NHLRC3: variants seen among roughly 807,000 people sequenced by gnomAD.
NHLRC3 encodes the protein NHL repeat containing 3.
NHLRC3 carries 23 observed loss-of-function variants against 32.0 expected under a neutral mutation model. That is an observed-to-expected ratio of 0.72 (90% confidence interval 0.52 to 1.02). NHLRC3 has a LOEUF of 1.02. NHLRC3 is among the 50% of genes least tolerant of loss of function. The probability of loss-of-function intolerance (pLI) is 0.00; values close to 1 mark genes in which losing one functional copy is unlikely to be tolerated. For missense variants in NHLRC3, 407 were observed against 406.8 expected (o/e 1.00, Z -0.01); for synonymous variants, 159 against 147.9 (o/e 1.08, Z -0.55).
chr13:39,044,235 GTGTGTGTGTGTGTGTGTGTGT>G, intron 5 of NHLRC3, 54 bp downstream of exon 5: 1 of 761,470 alleles, frequency 1.3e-6, no homozygotes, highest in East Asian at 2.6e-5. Context: ...ATGTTTGTGT[GTGTGTGTGTGTGTGTGTGTGT>G]GTGTGTGTGT....
intron 3 of NHLRC3, chr13:39,041,074 A>G (rs1418776640): frequency 6.6e-6 from 1 of 152,242 alleles, no homozygotes; most frequent in African/African-American, 2.4e-5. Flanking sequence ...TAAAAAGAGC[A>G]CAGACGATCT....
intron 4 of NHLRC3, 114 bp downstream of exon 4, chr13:39,042,419 G>A (rs1382072548): frequency 3.9e-5 from 24 of 619,338 alleles, no homozygotes; most frequent in Middle Eastern, 4.3e-4. Flanking sequence ...AGAGCTAAGT[G>A]TATTACTACG....
intron 3 of NHLRC3, chr13:39,041,228 T>C (rs944858191): frequency 1.3e-5 from 2 of 151,948 alleles, no homozygotes; most frequent in Admixed American, 1.3e-4. Context: ...TTTTTATTGG[T>C]AGTCTTTTTT....
Position 39,039,252 on chromosome 13 carries a change from A to G in NHLRC3, c.201A>G (p.Ala67=), listed in dbSNP as rs1234572958. 2 of 1,614,048 alleles carry G rather than the reference A, an allele frequency of 1.2e-6. No homozygotes were observed. The highest frequency in any genetic ancestry group is 1.1e-5 in the South Asian group (1 of 91,070). Residue 67 remains alanine (A), a synonymous_variant, in exon 2 of 7, where the codon GCA becomes GCG. Transcript: ENST00000379600. ...TTACCGGAACAACATTTTGTGTTGC[A>G]GTTGACTCCCTCAATGGATTGGTTT... ...EYFTGTTFCV[A]VDSLNGLVYI...
chr13:39,046,314 A>G (rs886564480), intron 5 of NHLRC3, among the ~76,000 whole-genome samples: 4 of 152,124 alleles, frequency 2.6e-5, no homozygotes, highest in South Asian at 2.1e-4. Context: ...GCGAGACTCC[A>G]TCTCAAAAAA....
chr13:39,047,169 A>G lies in NHLRC3; in HGVS notation c.791+17A>G. The stretch of plus-strand genomic sequence containing the variant: ...TTCAGTCAGGTAATTGTTTCATTTT[A>G]TTGCAAAATGCTTGTTTTAGTTAGT... On this transcript the variant is annotated intron_variant, in intron 6 of 6. Transcript: ENST00000379600. The G allele has an allele frequency of 7.7e-6, 11 of 1,426,158 alleles. No individual in the cohort carries two copies. The highest frequency in any genetic ancestry group is 1.1e-5 in the Non-Finnish European group (11 of 1,015,768). 88.3% of individuals were successfully genotyped at this position (1,426,158 alleles called of 1,614,324 possible).
intron 3 of NHLRC3, chr13:39,041,650 C>G (rs1871470180): frequency 6.5e-6 from 1 of 153,710 alleles, no homozygotes; most frequent in African/African-American, 2.4e-5. Flanking sequence ...AAATCTGTAC[C>G]ATAGAGAACG....
intron 5 of NHLRC3, among the ~76,000 whole-genome samples, chr13:39,046,244 G>A (rs1435986375): frequency 2.0e-5 from 3 of 152,094 alleles, no homozygotes; most frequent in Non-Finnish European, 4.4e-5. Flanking sequence ...GCGTGTACCC[G>A]GGAGGCGGAG....
At position 39,047,651 on chromosome 13, in the gene NHLRC3, A is replaced by G. The variant is rs199846677; in HGVS notation, c.792-23A>G. 1.4e-5 allele frequency: 23 copies of G among 1,593,906 alleles called. No individual in the cohort carries two copies. The African/African-American group carries it at 3.0e-4, about 20-fold the overall frequency. ...TTATGTTTTTTCACAGACATTTATT[A>G]TGTTAAATGTCTTTCTCCTTAGGTT... On this transcript the variant is annotated intron_variant, in intron 6 of 6. Coordinates refer to ENST00000379600, the MANE Select transcript of NHLRC3 (RefSeq NM_001012754.4).
chr13:39,047,210 C>T (rs1871717721), intron 6 of NHLRC3, 58 bp downstream of exon 6: 6 of 901,314 alleles, frequency 6.7e-6, no homozygotes, highest in Non-Finnish European at 5.3e-6. Context: ...TGTCTCACTT[C>T]CTCTGAATAG....
intron 3 of NHLRC3, chr13:39,040,020 C>CAA (rs67484587): frequency 0.1 from 11,092 of 106,098 alleles, 563 homozygotes; most frequent in Admixed American, 0.16. Context: ...ACTAAAAATA[C>CAA]AAAAAAAAAA....
chr13:39,039,322 A>C, intron 2 of NHLRC3, 34 bp downstream of exon 2: 1 of 1,546,582 alleles, frequency 6.5e-7, no homozygotes, highest in Non-Finnish European at 8.9e-7. Flanking sequence ...AATTATGAAC[A>C]CAAAGGAAGT....
chr13:39,039,260 C>T lies in NHLRC3; in HGVS notation c.209C>T (p.Ser70Phe), dbSNP rs757369563. 3 of 1,613,918 alleles carry T rather than the reference C, an allele frequency of 1.9e-6. No individual in the cohort carries two copies. The highest frequency in any genetic ancestry group is 2.5e-6 in the Non-Finnish European group (3 of 1,179,850). Residue 70 changes from serine (S) to phenylalanine (F), a missense_variant, in exon 2 of 7, where the codon TCC becomes TTC. Physicochemically the swap from Ser to Phe is radical, Grantham distance 155. Coordinates refer to ENST00000379600, the MANE Select transcript of NHLRC3 (RefSeq NM_001012754.4). Reference sequence around the variant, plus strand: ...ACAACATTTTGTGTTGCAGTTGACTCCCTCAATGGATTGGTTTACATAGGT... The same window carrying T: ...ACAACATTTTGTGTTGCAGTTGACTTCCTCAATGGATTGGTTTACATAGGT... ...TGTTFCVAVD[S>F]LNGLVYIGQR...
At chr13:39,041,114 T>C (rs992981631) in intron 3 of NHLRC3, 3 of 152,200 alleles carry the variant, frequency 2.0e-5, no homozygotes, top group Admixed American at 1.3e-4. Context: ...GCTAATTTTC[T>C]ACCCAGAGAT....
Position 39,038,528 on chromosome 13 carries a change from C to A in NHLRC3, c.-112C>A. 1.2e-6 allele frequency: 1 copy of A among 863,268 alleles called. No homozygotes were observed. Among genetic ancestry groups the A allele is most frequent in the Admixed American group, 1.8e-5 (1 of 54,266 alleles). The allele number at this position is 863,268 out of a possible 1,614,324, so 53.5% of individuals were successfully genotyped here. A position where few individuals can be genotyped will look rare whatever the true frequency, so the allele number is the denominator to read the frequency against. On this transcript the variant is annotated 5_prime_UTR_variant, in exon 1 of 7. Coordinates refer to ENST00000379600, the MANE Select transcript of NHLRC3 (RefSeq NM_001012754.4). ...AGGGAGGGGAAACCGGAGATAGGGT[C>A]TTCGGGCCCCGGGCAGACCCTCTGT...
rs1407427176 is a variant in NHLRC3, at chr13:39,049,202, TTGAGC to T, written c.*1280_*1284del. ...TAAATTGTGTAGCATATGACAAATC[TTGAGC>T]TGACTTTCCTCTTCACCTGTTATGG... On this transcript the variant is annotated 3_prime_UTR_variant, in exon 7 of 7. Transcript: ENST00000379600. The T allele has an allele frequency of 1.3e-5, 2 of 152,650 alleles. No homozygotes were observed. The highest frequency in any genetic ancestry group is 4.8e-5 in the African/African-American group (2 of 41,436). The allele number at this position is 152,650 out of a possible 1,614,324, so 9.5% of individuals were successfully genotyped here.
At chr13:39,043,458 C>G (rs534382900) in intron 4 of NHLRC3, among the ~76,000 whole-genome samples, 1 of 152,264 alleles carries the variant, frequency 6.6e-6, no homozygotes, top group South Asian at 2.1e-4. Flanking sequence ...CAGCAAAACT[C>G]TGATGTCTGT....
At chr13:39,040,681 C>T (rs905079961) in intron 3 of NHLRC3, 1 of 152,168 alleles carries the variant, frequency 6.6e-6, no homozygotes, top group Non-Finnish European at 1.5e-5. Flanking sequence ...ATTATAAAGA[C>T]ATTATTTCTA....
chr13:39,040,944 A>G (rs1871444582), intron 3 of NHLRC3: 1 of 152,190 alleles, frequency 6.6e-6, no homozygotes. Flanking sequence ...GTGAATTGTT[A>G]ATACTATAAT....
Sources: gnomAD v4.1 joint callset for allele counts (sites outside exome capture counted in the v4.1 genomes callset) on GRCh38, gnomAD v4.1.1 for gene constraint, MANE v1.5 for transcripts, NCBI Gene and HGNC (gene_info 2026-07-23, HGNC 2026-07-21) for gene names.